The following ZDHHC4 variants were observed in gnomAD, a reference collection of about 807,000 sequenced individuals.
ZDHHC4 encodes zDHHC palmitoyltransferase 4, also known as palmitoyltransferase ZDHHC4.
ZDHHC4 carries 42 observed loss-of-function variants against 36.7 expected under a neutral mutation model. The ratio of observed to expected loss-of-function variants is 1.14; its 90% confidence interval spans 0.89 to 1.48. The LOEUF (loss-of-function observed/expected upper bound fraction) is 1.48, where lower values mean the gene tolerates loss of function less well. ZDHHC4 is among the 40% of genes most tolerant of loss of function. The pLI is 0.00. For synonymous variants in ZDHHC4, 189 were observed against 166.6 expected, an observed-to-expected ratio of 1.13 and a Z score of -1.03; for missense variants, 457 against 421.5, an observed-to-expected ratio of 1.08 and a Z score of -0.74.
rs192927757 is a variant in ZDHHC4 at position 6,581,811 on chromosome 7, G to C, written c.191+131G>C. The C allele has an allele frequency of 3.9e-4, 318 of 816,990 alleles. 2 individuals are homozygous for C. The African/African-American group carries it at 4.9e-3, about 12-fold the overall frequency. The allele number at this position is 816,990 out of a possible 1,614,324, so 50.6% of individuals were successfully genotyped here. On this transcript the variant is annotated intron_variant, in intron 4 of 7. Transcript: ENST00000335965. Reference sequence around the variant, plus strand: ...GGGAAAGAAGGCCGGAAAGAATCACGAGTCCTGAGTTGGGAGCCTCTACTC... The same window carrying C: ...GGGAAAGAAGGCCGGAAAGAATCACCAGTCCTGAGTTGGGAGCCTCTACTC...
Position 6,581,652 on chromosome 7 carries a change from G to T in ZDHHC4, c.163G>T (p.Gly55Ter). The change falls in exon 4 of 8, where the codon GGA becomes TGA. Residue 55 changes from glycine to a stop codon, truncating the protein, a stop_gained. Transcript: ENST00000335965. LOFTEE classifies it high-confidence loss of function. ...IPECLQRAVH[G>*]LLHYLFHTRN... ...AGAATGTCTTCAGAGAGCCGTGCAT[G>T]GATTGCTTCATTACCTTTTCCATAC... The T allele has an allele frequency of 6.2e-7, 1 of 1,610,706 alleles. No individual in the cohort carries two copies. The highest frequency in any genetic ancestry group is 1.1e-5 in the South Asian group (1 of 90,844).
rs762033929 is a variant in ZDHHC4 at position 6,581,601 on chromosome 7, T to C, written c.118-6T>C. On this transcript the variant is annotated splice_region_variant and splice_polypyrimidine_tract_variant and intron_variant, in intron 3 of 7. Coordinates refer to ENST00000335965, the MANE Select transcript of ZDHHC4 (RefSeq NM_001134389.2). ...AATTGAGTCTTTCTCTTTCCTTTTG[T>C]TTCAGATATTTTCCTGTATAATTCC... 4 of 1,606,914 alleles carry C rather than the reference T, an allele frequency of 2.5e-6. No homozygotes were observed. Among genetic ancestry groups the C allele is most frequent in the Non-Finnish European group, 3.4e-6 (4 of 1,173,920 alleles).
chr7:6,588,973 C>G lies in ZDHHC4; in HGVS notation c.*63C>G. 6.5e-7 allele frequency: 1 copy of G among 1,543,860 alleles called. No individual in the cohort carries two copies. The highest frequency in any genetic ancestry group is 1.2e-5 in the South Asian group (1 of 82,410). On this transcript the variant is annotated 3_prime_UTR_variant, in exon 8 of 8. Transcript: ENST00000335965. ...ATTTACACATGTGGATCCTCGTTTT[C>G]CAAGCATGGCTTGTTTGTTTTGATT...
rs182128638 is a variant in ZDHHC4, at chr7:6,580,665, G to T, written c.104G>T (p.Arg35Met). 3.1e-6 allele frequency: 5 copies of T among 1,613,998 alleles called. No homozygotes were observed. Among genetic ancestry groups the T allele is most frequent in the Non-Finnish European group, 4.2e-6 (5 of 1,179,974 alleles). Reference sequence around the variant, plus strand: ...ACCCATAGCTTGAAAGGCCTGGCCAGGGGAGGAGCACAGGTAAGGATGATC... The same window carrying T: ...ACCCATAGCTTGAAAGGCCTGGCCATGGGAGGAGCACAGGTAAGGATGATC... ...SKTHSLKGLARGGAQIFSCII... is the reference protein window; with the variant it reads ...SKTHSLKGLAMGGAQIFSCII... Residue 35 changes from arginine (R) to methionine (M), a missense_variant, in exon 3 of 8, where the codon AGG becomes ATG. By Grantham distance (91) the Arg-to-Met change is moderately conservative. Transcript: ENST00000335965.
chr7:6,583,306 G>A lies in ZDHHC4; in HGVS notation c.371G>A (p.Gly124Asp). 6.2e-7 allele frequency: 1 copy of A among 1,613,732 alleles called. No individual in the cohort carries two copies. Among genetic ancestry groups the A allele is most frequent in the Non-Finnish European group, 8.5e-7 (1 of 1,179,838 alleles). The change falls in exon 6 of 8, where the codon GGC becomes GAC. Residue 124 changes from glycine (G) to aspartate (D), a missense_variant and splice_region_variant. By Grantham distance (94) the Gly-to-Asp change is moderately conservative (BLOSUM62 -1). Coordinates refer to ENST00000335965, the MANE Select transcript of ZDHHC4 (RefSeq NM_001134389.2). ...FFTLTCGTNP[G>D]IITKANELLF... ...TGACATATGTCCTTACTTTTCCCAG[G>A]CATTATAACAAAAGCAAATGAATTA...
At position 6,588,520 on chromosome 7, in the gene ZDHHC4, G is replaced by T. The variant is rs1583397454; in HGVS notation, c.742-97G>T. On this transcript the variant is annotated intron_variant, in intron 7 of 7. Coordinates refer to ENST00000335965, the MANE Select transcript of ZDHHC4 (RefSeq NM_001134389.2). ...CACAAGTAGGTGGGCTGAGGAAGCA[G>T]CGCTGGTGGCTGTGGCAGGCCCAGG... is the stretch of plus-strand genomic sequence containing the variant. 4 of 1,335,868 alleles carry T rather than the reference G, an allele frequency of 3.0e-6. No individual in the cohort carries two copies. The African/African-American group carries it at 4.4e-5, about 15-fold the overall frequency. 82.8% of individuals were successfully genotyped at this position (1,335,868 alleles called of 1,614,324 possible).
intron 7 of ZDHHC4, among the ~76,000 whole-genome samples, chr7:6,587,731 G>A (rs146531881): frequency 6.6e-6 from 1 of 152,106 alleles, no homozygotes; most frequent in Non-Finnish European, 1.5e-5. Flanking sequence ...CATTTAACTT[G>A]TTTCTTGGCC....
intron 6 of ZDHHC4, chr7:6,584,365 T>G (rs2115178605): frequency 6.6e-6 from 1 of 152,434 alleles, no homozygotes. Flanking sequence ...GCAAGCTATA[T>G]CCAGATATTC....
Position 6,582,161 on chromosome 7 carries a change from C to T in ZDHHC4, c.280C>T (p.Leu94=), listed in dbSNP as rs1401554836. The T allele has an allele frequency of 3.1e-6, 5 of 1,614,068 alleles. No homozygotes were observed. Among genetic ancestry groups the T allele is most frequent in the Non-Finnish European group, 4.2e-6 (5 of 1,180,052 alleles). Residue 94 remains leucine, a synonymous_variant, in exon 5 of 8, where the codon CTG becomes TTG. Coordinates refer to ENST00000335965, the MANE Select transcript of ZDHHC4 (RefSeq NM_001134389.2). The stretch of plus-strand genomic sequence containing the variant: ...GGAAGTATTTGGCTACTGTCAGGAG[C>T]TGGAGTTGTCCTTGCATTACCTTCT... ...TWEVFGYCQE[L]ELSLHYLLLP... is the part of the protein sequence containing the mutation.
In ZDHHC4 at chr7:6,588,790, C is replaced by G. The variant is rs1562547933; in HGVS notation, c.915C>G (p.Ala305=). ...WAWCQRCPLV[A]WPPSAEPQVH... The stretch of plus-strand genomic sequence containing the variant: ...GGTGCCAGCGTTGTCCCCTTGTGGC[C>G]TGGCCTCCGTCAGCAGAGCCCCAAG... The change falls in exon 8 of 8, where the codon GCC becomes GCG. Residue 305 remains alanine, a synonymous_variant. Transcript: ENST00000335965. 8.1e-6 allele frequency: 13 copies of G among 1,614,226 alleles called. No homozygotes were observed. The highest frequency in any genetic ancestry group is 8.5e-6 in the Non-Finnish European group (10 of 1,180,032).
chr7:6,588,729 A>C lies in ZDHHC4; in HGVS notation c.854A>C (p.Gln285Pro), dbSNP rs775175146. The change falls in exon 8 of 8, where the codon CAG (glutamine) becomes CCG (proline). Residue 285 changes from glutamine (Q) to proline (P), a missense_variant. Coordinates refer to ENST00000335965, the MANE Select transcript of ZDHHC4 (RefSeq NM_001134389.2). ...LFVLYLAATN[Q>P]TTNEWYRGDW... is the part of the protein sequence containing the mutation. ...GTCCTGTATCTGGCGGCCACCAACC[A>C]GACTACTAACGAGTGGTACAGAGGT... 4 of 1,614,092 alleles carry C rather than the reference A, an allele frequency of 2.5e-6. 1 individual carries two copies. The South Asian group carries it at 4.4e-5, about 18-fold the overall frequency.
In ZDHHC4 at chr7:6,585,876, C is replaced by T. The variant is rs776776535; in HGVS notation, c.741+616C>T. 1.2e-3 allele frequency among the ~76,000 whole-genome samples: 186 copies of T among 151,510 alleles called. 1 individual carries two copies. Among genetic ancestry groups the T allele is most frequent in the Non-Finnish European group, 2.2e-3 (150 of 67,880 alleles). On this transcript the variant is annotated intron_variant, in intron 7 of 7. Transcript: ENST00000335965. ...TATAAAATTCACATATTGGGCCAGG[C>T]ATGGTGGCTCACAGCTGTAATCCCA...
intron 7 of ZDHHC4, among the ~76,000 whole-genome samples, chr7:6,586,882 C>T (rs956258562): frequency 6.6e-6 from 1 of 151,524 alleles, no homozygotes; most frequent in African/African-American, 2.4e-5. Flanking sequence ...TCACTTTTGG[C>T]TATTTTTGAG....
chr7:6,577,654 T>G (rs1357899522), intron 1 of ZDHHC4, 156 bp downstream of exon 1: 1 of 152,252 alleles, frequency 6.6e-6, no homozygotes, highest in Non-Finnish European at 1.5e-5. Flanking sequence ...CCGAGCCTGC[T>G]GCACTCCACG....
At chr7:6,579,159 T>C (rs1203149900) in intron 2 of ZDHHC4, among the ~76,000 whole-genome samples, 2 of 151,594 alleles carry the variant, frequency 1.3e-5, no homozygotes, top group African/African-American at 2.4e-5. Flanking sequence ...TTTTTTTTCT[T>C]AAACCGCTAC....
In ZDHHC4 at chr7:6,581,639, G is replaced by T; in HGVS notation, c.150G>T (p.Gln50His). The T allele has an allele frequency of 6.2e-7, 1 of 1,612,028 alleles. No individual in the cohort carries two copies. The highest frequency in any genetic ancestry group is 8.5e-7 in the Non-Finnish European group (1 of 1,178,386). ...CCTGTATAATTCCAGAATGTCTTCA[G>T]AGAGCCGTGCATGGATTGCTTCATT... ...IFSCIIPECLQRAVHGLLHYL... is the reference protein window; with the variant it reads ...IFSCIIPECLHRAVHGLLHYL... The change falls in exon 4 of 8, where the codon CAG (glutamine) becomes CAT (histidine). Residue 50 changes from glutamine to histidine, a missense_variant. By Grantham distance (24) the Gln-to-His change is conservative. Coordinates refer to ENST00000335965, the MANE Select transcript of ZDHHC4 (RefSeq NM_001134389.2).
At chr7:6,585,337 A>G (rs1583390300) in intron 7 of ZDHHC4, 77 bp downstream of exon 7, 3 of 1,556,772 alleles carry the variant, frequency 1.9e-6, no homozygotes, top group South Asian at 2.5e-5. Context: ...AAAAGCATGA[A>G]GTTAGGTGGG....
intron 4 of ZDHHC4, 104 bp from the exon 5 acceptor site, chr7:6,581,969 C>G: frequency 8.5e-7 from 1 of 1,176,402 alleles, no homozygotes; most frequent in Non-Finnish European, 1.2e-6. Flanking sequence ...TTACTATTAT[C>G]TCAAGCCCAA....
Position 6,581,589 on chromosome 7 carries a change from T to G in ZDHHC4, c.118-18T>G, listed in dbSNP as rs889855619. ...AGTGAGAAATGAAATTGAGTCTTTC[T>G]CTTTCCTTTTGTTTCAGATATTTTC... On this transcript the variant is annotated intron_variant, in intron 3 of 7. Transcript: ENST00000335965. 2.5e-6 allele frequency: 4 copies of G among 1,592,952 alleles called. No homozygotes were observed. In the African/African-American group the frequency reaches 5.4e-5, roughly 21 times the overall value.
Sources: allele counts gnomAD v4.1 joint callset (sites outside exome capture counted in the v4.1 genomes callset), GRCh38; gene constraint gnomAD v4.1.1; transcripts MANE v1.5; gene names NCBI Gene and HGNC (gene_info 2026-07-23, HGNC 2026-07-21).